Variants in CHD8 observed in about 807,000 individuals in gnomAD.
CHD8 encodes the protein ATP-dependent chromatin remodeler CHD8.
A neutral mutation model predicts 279.2 loss-of-function variants in CHD8; 31 were observed. That is an observed-to-expected ratio of 0.11 (90% CI 0.08 to 0.15). The LOEUF is 0.15. CHD8 is among the 10% of genes least tolerant of loss of function. The pLI is 1.00. For synonymous variants in CHD8, 1,081 were observed against 1,139.6 expected (o/e 0.95, Z 1.04); for missense variants, 2,146 against 3,230.5 (o/e 0.66, Z 8.14).
intron 14 of CHD8, 28 bp downstream of exon 14, chr14:21,406,828 T>G: frequency 1.3e-6 from 2 of 1,583,598 alleles, no homozygotes; most frequent in Non-Finnish European, 1.7e-6. Flanking sequence ...TCCAGGTGTT[T>G]CTGCTCACAA....
chr14:21,420,460 GATA>G (rs1888976401), intron 5 of CHD8, among the ~76,000 whole-genome samples: 1 of 152,104 alleles, frequency 6.6e-6, no homozygotes, highest in South Asian at 2.1e-4. Context: ...GCCATCTGTT[GATA>G]AATATTAAAG....
chr14:21,423,444 C>T (rs1028910524), intron 5 of CHD8, among the ~76,000 whole-genome samples: 37 of 152,212 alleles, frequency 2.4e-4, no homozygotes, highest in Non-Finnish European at 3.2e-4. Flanking sequence ...AGGGTAACGC[C>T]TTCATGACCT....
At position 21,431,732 on chromosome 14, in the gene CHD8, G is replaced by GA. The variant is rs1200633990; in HGVS notation, c.-90dup. On this transcript the variant is annotated 5_prime_UTR_variant, in exon 2 of 38. Transcript: ENST00000646647. ...GCTCTCCCCTCCCCTCCCCTATTAAGAAAAAAATGTACACAATGTAAGAGG... is the reference window on the plus strand; with the variant it reads ...GCTCTCCCCTCCCCTCCCCTATTAAGAAAAAAAATGTACACAATGTAAGAGG... 5.0e-6 allele frequency: 8 copies of GA among 1,611,420 alleles called. No individual in the cohort carries two copies. Among genetic ancestry groups the GA allele is most frequent in the South Asian group, 4.4e-5 (4 of 90,848 alleles).
intron 1 of CHD8, among the ~76,000 whole-genome samples, chr14:21,454,157 CAAAAAAAAAGAAAA>C (rs1890323583): frequency 1.8e-5 from 1 of 56,448 alleles, no homozygotes; most frequent in Non-Finnish European, 4.1e-5. Context: ...GACTCCGTCT[CAAAAAAAAAGAAAA>C]GAAAAGAAAA....
At chr14:21,417,854 A>ATC (rs1406557399) in intron 5 of CHD8, among the ~76,000 whole-genome samples, 254 of 16,208 alleles carry the variant, frequency 0.016, no homozygotes, top group Non-Finnish European at 0.035. Flanking sequence ...ACTCTCTCAA[A>ATC]AAAAAAAAAA....
rs759949650 is a variant in CHD8 at position 21,431,648 on chromosome 14, G to A, written c.-5C>T. 72 of 1,547,910 alleles carry A rather than the reference G, an allele frequency of 4.7e-5. No homozygotes were observed. Among genetic ancestry groups the A allele is most frequent in the Non-Finnish European group, 5.9e-5 (68 of 1,149,982 alleles). ...ATCCATGATGGGGTCTGCCATCTTG[G>A]GAAAGTAATGGAGGGTACTTCTCCA... On this transcript the variant is annotated 5_prime_UTR_variant, in exon 2 of 38. Coordinates refer to ENST00000646647, the MANE Select transcript of CHD8 (RefSeq NM_001170629.2).
chr14:21,402,209 A>G lies in CHD8; in HGVS notation c.3883-73T>C. The G allele has an allele frequency of 6.9e-7, 1 of 1,458,054 alleles. No homozygotes were observed. Among genetic ancestry groups the G allele is most frequent in the Non-Finnish European group, 9.4e-7 (1 of 1,069,262 alleles). The allele number at this position is 1,458,054 out of a possible 1,614,324, so 90.3% of individuals were successfully genotyped here. ...CTAACCATGCCATAATATTTTAGCT[A>G]TTATATTTTAAGAAATAATAATTGA... On this transcript the variant is annotated intron_variant, in intron 19 of 37. Coordinates refer to ENST00000646647, the MANE Select transcript of CHD8 (RefSeq NM_001170629.2). This position sits in a 1 kb window ranked among gnomAD's most constrained non-coding sequence, Gnocchi z 4.5.
intron 10 of CHD8, among the ~76,000 whole-genome samples, chr14:21,411,265 A>G (rs1594354400): frequency 6.6e-6 from 1 of 152,172 alleles, no homozygotes; most frequent in Non-Finnish European, 1.5e-5. Context: ...TTCAACTCAC[A>G]CAAACAAACA....
intron 8 of CHD8, 69 bp downstream of exon 8, chr14:21,414,869 G>T: frequency 8.5e-7 from 1 of 1,172,630 alleles, no homozygotes; most frequent in Non-Finnish European, 1.3e-6. Flanking sequence ...TCCCACCCAG[G>T]ATACCCAGGA....
rs753928901 is a variant in CHD8, at chr14:21,399,687, G to A, written c.4836C>T (p.Phe1612=). 7 of 1,611,020 alleles carry A rather than the reference G, an allele frequency of 4.3e-6. No homozygotes were observed. Among genetic ancestry groups the A allele is most frequent in the Non-Finnish European group, 5.9e-6 (7 of 1,177,256 alleles). ...GAIASEIDIW[F]PVVDQLEVPT... ...GAACCTCCAGTTGATCCACTACTGGGAACCATATGTCAATCTCACTAAAGG... is the reference window on the plus strand; with the variant it reads ...GAACCTCCAGTTGATCCACTACTGGAAACCATATGTCAATCTCACTAAAGG... Residue 1612 remains phenylalanine, a synonymous_variant, in exon 26 of 38, where the codon TTC becomes TTT. Transcript: ENST00000646647.
chr14:21,436,423 C>G (rs919803699), intron 1 of CHD8, among the ~76,000 whole-genome samples: 3 of 152,194 alleles, frequency 2.0e-5, no homozygotes, highest in Non-Finnish European at 4.4e-5. Flanking sequence ...TCGTGAGACA[C>G]GAAGGGTCTC....
At position 21,400,392 on chromosome 14, in the gene CHD8, A is replaced by G. The variant is rs1012341040; in HGVS notation, c.4570+21T>C. On this transcript the variant is annotated intron_variant, in intron 23 of 37. Transcript: ENST00000646647. The surrounding 1 kb of genome is among the most constrained non-coding windows in gnomAD (Gnocchi z 4.2). ...TTAGATTAACCTATAGAAAAACATA[A>G]AGTAAAGAGTTGATAATTACCTGAA... The G allele has an allele frequency of 2.5e-6, 4 of 1,597,684 alleles. No individual in the cohort carries two copies. The African/African-American group carries it at 5.4e-5, about 22-fold the overall frequency.
rs1429133890 is a variant in CHD8, at chr14:21,429,309, G to A, written c.870C>T (p.Val290=). The part of the protein sequence containing the change: ...TQGESKRITL[V]LQQPQSGGPQ... ...GACCTCCAGACTGTGGCTGCTGGAG[G>A]ACCAGGGTGATGCGTTTCGATTCAC... The change falls in exon 3 of 38, where the codon GTC becomes GTT. Residue 290 remains valine (V), a synonymous_variant. Transcript: ENST00000646647. 2 of 1,604,218 alleles carry A rather than the reference G, an allele frequency of 1.2e-6. No individual in the cohort carries two copies. Among genetic ancestry groups the A allele is most frequent in the East Asian group, 2.2e-5 (1 of 44,680 alleles).
chr14:21,416,171 CA>C (rs986408791), intron 5 of CHD8: 117 of 336,524 alleles, frequency 3.5e-4, no homozygotes, highest in Admixed American at 8.0e-4. Context: ...TCTGGGAAAT[CA>C]AAACTGGATT....
rs1451181113 is a variant in CHD8 at position 21,393,558 on chromosome 14, T to C, written c.6237A>G (p.Ser2079=). 1 of 1,610,616 alleles carries C rather than the reference T, an allele frequency of 6.2e-7. No homozygotes were observed. Among genetic ancestry groups the C allele is most frequent in the Non-Finnish European group, 8.5e-7 (1 of 1,178,428 alleles). ...SDSELDLSKL[S]PSSSSSSSSS... is the part of the protein sequence containing the mutation. ...AGGATGAGGAAGAAGAAGAAGATGG[T>C]GACAGCTTGCTCAAGTCCAGCTCAG... Residue 2079 remains serine (S), a synonymous_variant, in exon 32 of 38, where the codon TCA becomes TCG. Coordinates refer to ENST00000646647, the MANE Select transcript of CHD8 (RefSeq NM_001170629.2).
intron 1 of CHD8, among the ~76,000 whole-genome samples, chr14:21,435,132 A>C (rs1046030222): frequency 1.3e-5 from 2 of 152,198 alleles, no homozygotes; most frequent in Non-Finnish European, 2.9e-5. Flanking sequence ...GAAAGACAAA[A>C]CTTAGTGGTT....
chr14:21,401,172 G>C (rs943379323), intron 21 of CHD8, 101 bp from the exon 22 acceptor site: 3 of 952,400 alleles, frequency 3.1e-6, no homozygotes, highest in Non-Finnish European at 3.1e-6. Context: ...GTAACGTGTA[G>C]ATACTCAGAG....
chr14:21,430,656 A>G (rs1889527005), intron 2 of CHD8, 145 bp downstream of exon 2: 1 of 608,770 alleles, frequency 1.6e-6, no homozygotes. Context: ...AGTACTAAGT[A>G]TGTGGCTGTC....
At chr14:21,421,842 G>A (rs1889058230) in intron 5 of CHD8, among the ~76,000 whole-genome samples, 1 of 152,156 alleles carries the variant, frequency 6.6e-6, no homozygotes, top group African/African-American at 2.4e-5. Context: ...CCACCAGTGT[G>A]AGCCCTAATC....
Sources: allele counts gnomAD v4.1 joint callset (sites outside exome capture counted in the v4.1 genomes callset), GRCh38; gene constraint gnomAD v4.1.1; non-coding constraint Gnocchi (gnomAD v3.1); transcripts MANE v1.5; gene names NCBI Gene and HGNC (gene_info 2026-07-23, HGNC 2026-07-21).